SLC25A10: variants seen among roughly 807,000 people sequenced by gnomAD.
The protein encoded by SLC25A10 is solute carrier family 25 member 10.
Under a neutral mutation model 40.4 loss-of-function variants are expected in SLC25A10, and 32 were observed. The ratio of observed to expected loss-of-function variants is 0.79; its 90% CI spans 0.60 to 1.06. SLC25A10 has a LOEUF of 1.06. SLC25A10 is among the 50% of genes least tolerant of loss of function. The pLI is 0.00. For missense variants in SLC25A10, 394 were observed against 402.6 expected, an observed-to-expected ratio of 0.98 and a Z score of 0.18; for synonymous variants, 181 against 171.1, an observed-to-expected ratio of 1.06 and a Z score of -0.45.
chr17:81,719,027 G>A (rs2037540756), intron 9 of SLC25A10, among the ~76,000 whole-genome samples: 1 of 150,342 alleles, frequency 6.7e-6, no homozygotes, highest in South Asian at 2.1e-4. Context: ...CACCTCCTGG[G>A]ATCAAGCGAT....
At chr17:81,716,606 G>A in intron 5 of SLC25A10, 1 of 603,744 alleles carries the variant, frequency 1.7e-6, no homozygotes, top group East Asian at 2.8e-5. Context: ...TGGAAACGAT[G>A]GAACCTCCTC....
intron 7 of SLC25A10, 141 bp from the exon 8 acceptor site, chr17:81,717,258 G>A (rs2037505880): frequency 8.8e-6 from 9 of 1,024,380 alleles, no homozygotes; most frequent in African/African-American, 1.6e-5. Context: ...CCTCGGGCAG[G>A]TGCCTCCCCT....
In SLC25A10 at chr17:81,716,053, G is replaced by C; in HGVS notation, c.419+3G>C. 1.3e-6 allele frequency: 2 copies of C among 1,597,800 alleles called. No homozygotes were observed. Among genetic ancestry groups the C allele is most frequent in the Non-Finnish European group, 1.7e-6 (2 of 1,172,314 alleles). ...CTGCCCCAGGGTCAGCGGCGCAAGT[G>C]AGTCATGGGCGGCCTTCTCGGGGTG... is the stretch of plus-strand genomic sequence containing the variant. On this transcript the variant is annotated splice_donor_region_variant and intron_variant, in intron 5 of 10. Transcript: ENST00000350690.
In SLC25A10 at chr17:81,720,165, G is replaced by T; in HGVS notation, c.*88G>T. 3 of 1,564,428 alleles carry T rather than the reference G, an allele frequency of 1.9e-6. No homozygotes were observed. The highest frequency in any genetic ancestry group is 2.6e-6 in the Non-Finnish European group (3 of 1,162,084). On this transcript the variant is annotated 3_prime_UTR_variant, in exon 11 of 11. Coordinates refer to ENST00000350690, the MANE Select transcript of SLC25A10 (RefSeq NM_012140.5). ...GCCCAGCACCTGCTCCTGGGGCCAC[G>T]ACCTCCCTGGCCGTGGCCACCCGTC... is the stretch of plus-strand genomic sequence containing the variant.
intron 10 of SLC25A10, 41 bp downstream of exon 10, chr17:81,719,928 C>T (rs370633214): frequency 1.2e-5 from 20 of 1,613,200 alleles, no homozygotes; most frequent in East Asian, 4.5e-5. Flanking sequence ...CAATGGGGAG[C>T]GGGCCCCTTC....
At chr17:81,716,627 G>C (rs979688775) in intron 5 of SLC25A10, 185 bp from the exon 6 acceptor site, 2 of 618,688 alleles carry the variant, frequency 3.2e-6, no homozygotes, top group Non-Finnish European at 5.7e-6. Flanking sequence ...CCTGAGGGCC[G>C]GGCGGGGCGG....
chr17:81,719,083 C>G (rs2037541976), intron 9 of SLC25A10, among the ~76,000 whole-genome samples: 1 of 151,772 alleles, frequency 6.6e-6, no homozygotes, highest in Non-Finnish European at 1.5e-5. Flanking sequence ...AGGCGCCCGC[C>G]ACCATGCCCG....
intron 5 of SLC25A10, chr17:81,716,587 G>A: frequency 1.7e-6 from 1 of 594,766 alleles, no homozygotes; most frequent in Non-Finnish European, 3.0e-6. Flanking sequence ...GCCCAGCCAG[G>A]GACTCTGTTG....
chr17:81,716,967 T>TGCCTCATCCCTG lies in SLC25A10; in HGVS notation c.464-29_464-28insTCCCTGGCCTCA, dbSNP rs1555703507. 8.2e-6 allele frequency: 13 copies of TGCCTCATCCCTG among 1,592,798 alleles called. No homozygotes were observed. In the South Asian group the frequency reaches 1.0e-4, roughly 12 times the overall value. ...GGGCCAGGTGCCTGGCCTCACCCCT[T>TGCCTCATCCCTG]GCCTCACCCCTTGCCTCACCCCTTC... On this transcript the variant is annotated intron_variant, in intron 6 of 10. Coordinates refer to ENST00000350690, the MANE Select transcript of SLC25A10 (RefSeq NM_012140.5).
intron 1 of SLC25A10, among the ~76,000 whole-genome samples, chr17:81,714,697 C>T (rs926699857): frequency 7.2e-5 from 11 of 152,228 alleles, no homozygotes; most frequent in Admixed American, 2.6e-4. Flanking sequence ...CGAGCCCCTG[C>T]GGCCAGTGCA....
intron 1 of SLC25A10, among the ~76,000 whole-genome samples, chr17:81,714,079 G>A (rs975688631): frequency 6.6e-6 from 1 of 152,194 alleles, no homozygotes. Flanking sequence ...TGTTCTGCTG[G>A]GCTCGCACAA....
chr17:81,713,430 G>A (rs2037422178), intron 1 of SLC25A10: 2 of 985,232 alleles, frequency 2.0e-6, no homozygotes, highest in Non-Finnish European at 2.4e-6. Flanking sequence ...CCTGTCCAGG[G>A]GACTTGTATT....
At chr17:81,717,152 C>T in intron 7 of SLC25A10, 80 bp downstream of exon 7, 1 of 1,495,040 alleles carries the variant, frequency 6.7e-7, no homozygotes, top group Non-Finnish European at 9.3e-7. Context: ...TAGAACAAGG[C>T]ACTGGGCGCC....
In SLC25A10 at chr17:81,712,392, G is replaced by T; in HGVS notation, c.-35G>T. ...CACGCCGGGGTAGGGCCGGGGTCGG[G>T]TTGTGGTCGGGCCGGGATTGGGCTC... On this transcript the variant is annotated 5_prime_UTR_variant, in exon 1 of 11. Coordinates refer to ENST00000350690, the MANE Select transcript of SLC25A10 (RefSeq NM_012140.5). 1 of 1,236,188 alleles carries T rather than the reference G, an allele frequency of 8.1e-7. No homozygotes were observed. 76.6% of individuals were successfully genotyped at this position (1,236,188 alleles called of 1,614,324 possible). A position where few individuals can be genotyped will look rare whatever the true frequency, so the allele number is the denominator to read the frequency against.
At chr17:81,714,746 C>T (rs1006774057) in intron 1 of SLC25A10, among the ~76,000 whole-genome samples, 4 of 152,220 alleles carry the variant, frequency 2.6e-5, no homozygotes, top group East Asian at 1.9e-4. Context: ...TCGCGGGGCT[C>T]GCGGACACTC....
chr17:81,716,294 G>A (rs938671789), intron 5 of SLC25A10, among the ~76,000 whole-genome samples: 5 of 152,196 alleles, frequency 3.3e-5, no homozygotes, highest in Non-Finnish European at 5.9e-5. Flanking sequence ...GCACCCCAGG[G>A]TGGTGAGTGC....
chr17:81,717,167 C>A, intron 7 of SLC25A10, 95 bp downstream of exon 7: 1 of 1,419,020 alleles, frequency 7.0e-7, no homozygotes, highest in Non-Finnish European at 9.9e-7. Flanking sequence ...GGCGCCAAAA[C>A]CCTCCTGGGG....
rs571109199 is a variant in SLC25A10 at position 81,721,002 on chromosome 17, G to A, written c.*925G>A. ...GTGGGGGCTGCAATCAATAAATGCCGGGAGCTGCCACATCTGTTCCTGCCT... is the reference window on the plus strand; with the variant it reads ...GTGGGGGCTGCAATCAATAAATGCCAGGAGCTGCCACATCTGTTCCTGCCT... On this transcript the variant is annotated 3_prime_UTR_variant, in exon 11 of 11. Transcript: ENST00000350690. 6.4e-4 allele frequency: 99 copies of A among 153,744 alleles called. No individual in the cohort carries two copies. The highest frequency in any genetic ancestry group is 1.2e-3 in the African/African-American group (52 of 41,614). 9.5% of individuals were successfully genotyped at this position (153,744 alleles called of 1,614,324 possible).
rs1362415999 is a variant in SLC25A10, at chr17:81,717,018, G to A, written c.480G>A (p.Leu160=). The A allele has an allele frequency of 6.2e-7, 1 of 1,613,606 alleles. No individual in the cohort carries two copies. Among genetic ancestry groups the A allele is most frequent in the African/African-American group, 1.3e-5 (1 of 74,908 alleles). ...CTTGTGCAGAGGGTCTCAGGAGACT[G>A]TTCTCGGGTGCAACCATGGCATCCA... The part of the protein sequence containing the change: ...RVAREEGLRR[L]FSGATMASSR... The change falls in exon 7 of 11, where the codon CTG becomes CTA. Residue 160 remains leucine, a synonymous_variant. Coordinates refer to ENST00000350690, the MANE Select transcript of SLC25A10 (RefSeq NM_012140.5).
Sources: allele counts gnomAD v4.1 joint callset (sites outside exome capture counted in the v4.1 genomes callset), GRCh38; gene constraint gnomAD v4.1.1; transcripts MANE v1.5; gene names NCBI Gene and HGNC (gene_info 2026-07-23, HGNC 2026-07-21).